The following P2RY12 variants were observed in gnomAD, a reference collection of about 807,000 sequenced individuals.
The protein encoded by P2RY12 is P2Y purinoceptor 12.
P2RY12 carries 3 observed loss-of-function variants against 4.5 expected under a neutral mutation model. The observed-to-expected ratio is 0.67, with a 90% CI of 0.31 to 1.74. The LOEUF (loss-of-function observed/expected upper bound fraction) is 1.74, where lower values mean the gene tolerates loss of function less well. Ranked by LOEUF, P2RY12 falls within the 40% of genes most tolerant of loss-of-function variation. The probability of loss-of-function intolerance (pLI) is 0.09; values close to 1 mark genes in which losing one functional copy is unlikely to be tolerated. For missense variants in P2RY12, 356 were observed against 407.8 expected, an observed-to-expected ratio of 0.87 and a Z score of 1.09; for synonymous variants, 148 against 154.1, an observed-to-expected ratio of 0.96 and a Z score of 0.29.
chr3:151,349,453 A>G (rs1325406192), intron 1 of P2RY12, among the ~76,000 whole-genome samples: 2 of 152,152 alleles, frequency 1.3e-5, no homozygotes, highest in African/African-American at 2.4e-5. Context: ...AATAAATGGA[A>G]TATATATAGT....
intron 1 of P2RY12, chr3:151,376,692 T>G: frequency 1.1e-6 from 1 of 883,410 alleles, no homozygotes; most frequent in Non-Finnish European, 1.8e-6. Context: ...ATTATTTCAT[T>G]GTGTATGATT....
At chr3:151,383,683 TTAAA>T in intron 1 of P2RY12, 1 of 743,926 alleles carries the variant, frequency 1.3e-6, no homozygotes, top group Admixed American at 3.2e-5. Flanking sequence ...CCTTGTTTTT[TTAAA>T]TAAAAAACAA....
At chr3:151,380,110 TA>T in intron 1 of P2RY12, 1 of 1,553,608 alleles carries the variant, frequency 6.4e-7, no homozygotes, top group Admixed American at 2.0e-5. Flanking sequence ...ACTTCCTTTG[TA>T]GTATGTCTCT....
At chr3:151,358,402 G>T (rs936744322) in intron 1 of P2RY12, among the ~76,000 whole-genome samples, 2 of 152,064 alleles carry the variant, frequency 1.3e-5, no homozygotes, top group Non-Finnish European at 2.9e-5. Context: ...TTGGTGAAGT[G>T]ATGTACCCTA....
At chr3:151,367,838 C>A in intron 1 of P2RY12, 1 of 1,513,252 alleles carries the variant, frequency 6.6e-7, no homozygotes, top group Non-Finnish European at 9.0e-7. Flanking sequence ...AACATTACAA[C>A]ACAGGGAAAG....
chr3:151,379,253 A>G (rs1437116111), intron 1 of P2RY12, among the ~76,000 whole-genome samples: 2 of 152,238 alleles, frequency 1.3e-5, no homozygotes, highest in African/African-American at 4.8e-5. Context: ...TCCCATAGGC[A>G]GGACAGATGG....
Position 151,373,757 on chromosome 3 carries a change from A to T in P2RY12, c.-180+10935T>A, listed in dbSNP as rs528566310. ...TATTCATCCTATCACATCATTTGAC[A>T]TTTTAAAAATAGTTGGTATTTTCAT... On this transcript the variant is annotated intron_variant, in intron 1 of 2. Transcript: ENST00000302632. 1.2e-4 allele frequency among the ~76,000 whole-genome samples: 19 copies of T among 152,254 alleles called. No homozygotes were observed. In the East Asian group the frequency reaches 3.5e-3, roughly 28 times the overall value.
At chr3:151,384,123 A>G (rs752991630) in intron 1 of P2RY12, 3 of 1,614,058 alleles carry the variant, frequency 1.9e-6, no homozygotes, top group East Asian at 2.2e-5. Context: ...GGGTGTTTTA[A>G]TCAATGGAAC....
At chr3:151,373,176 A>G (rs1280495143) in intron 1 of P2RY12, among the ~76,000 whole-genome samples, 3 of 152,174 alleles carry the variant, frequency 2.0e-5, no homozygotes, top group Non-Finnish European at 4.4e-5. Context: ...CCACAGTTCG[A>G]TTTTATTAAT....
At chr3:151,348,471 T>C (rs1041104323) in intron 1 of P2RY12, among the ~76,000 whole-genome samples, 1 of 152,112 alleles carries the variant, frequency 6.6e-6, no homozygotes, top group African/African-American at 2.4e-5. Context: ...TCACTGCTTA[T>C]GTCATTTGTA....
intron 1 of P2RY12, chr3:151,360,576 C>T (rs1478310991): frequency 6.2e-7 from 1 of 1,612,586 alleles, no homozygotes; most frequent in Non-Finnish European, 8.5e-7. Context: ...CATGTAGCCA[C>T]CTCAGAAGTA....
intron 1 of P2RY12, among the ~76,000 whole-genome samples, chr3:151,380,670 T>C (rs1239984662): frequency 6.6e-6 from 1 of 151,840 alleles, no homozygotes; most frequent in Non-Finnish European, 1.5e-5. Flanking sequence ...AATCCATGCC[T>C]TATTCTTCTA....
chr3:151,360,216 T>G (rs1754443189), intron 1 of P2RY12, among the ~76,000 whole-genome samples: 1 of 152,178 alleles, frequency 6.6e-6, no homozygotes, highest in African/African-American at 2.4e-5. Flanking sequence ...ATACGTACCT[T>G]CTTTATGAAG....
chr3:151,383,876 T>C, intron 1 of P2RY12: 1 of 1,613,086 alleles, frequency 6.2e-7, no homozygotes, highest in Non-Finnish European at 8.5e-7. Flanking sequence ...ACTGTTGACA[T>C]GCACACTAAC....
At chr3:151,355,044 T>A in intron 1 of P2RY12, 1 of 1,044,760 alleles carries the variant, frequency 9.6e-7, no homozygotes, top group East Asian at 2.4e-5. Context: ...TGCTATACTT[T>A]AAAAAAAAGT....
At chr3:151,372,164 G>T (rs1560092134) in intron 1 of P2RY12, among the ~76,000 whole-genome samples, 1 of 152,162 alleles carries the variant, frequency 6.6e-6, no homozygotes, top group Non-Finnish European at 1.5e-5. Context: ...TGTAAGAGAA[G>T]AAATGGAAAA....
chr3:151,342,979 G>C (rs2149971384), intron 1 of P2RY12, among the ~76,000 whole-genome samples: 1 of 152,196 alleles, frequency 6.6e-6, no homozygotes, highest in East Asian at 1.9e-4. Flanking sequence ...GAAGTTAGAT[G>C]GAGACCCCAT....
intron 1 of P2RY12, among the ~76,000 whole-genome samples, chr3:151,356,304 C>T (rs555235334): frequency 6.6e-6 from 1 of 152,104 alleles, no homozygotes; most frequent in Non-Finnish European, 1.5e-5. Context: ...AGGCAGGAGA[C>T]TCACTTAAGC....
intron 1 of P2RY12, among the ~76,000 whole-genome samples, chr3:151,356,354 T>C (rs1010637691): frequency 1.3e-5 from 2 of 151,972 alleles, no homozygotes; most frequent in African/African-American, 4.8e-5. Flanking sequence ...ATCATACAAC[T>C]GCACTCAAGC....
Sources: gnomAD v4.1 joint callset for allele counts (sites outside exome capture counted in the v4.1 genomes callset) on GRCh38, gnomAD v4.1.1 for gene constraint, MANE v1.5 for transcripts, NCBI Gene and HGNC (gene_info 2026-07-23, HGNC 2026-07-21) for gene names.